Variants in CFAP58 observed in about 807,000 individuals in gnomAD.
CFAP58 encodes the protein cilia and flagella associated protein 58.
A neutral mutation model predicts 119.5 loss-of-function variants in CFAP58; 88 were observed. The ratio of observed to expected loss-of-function variants is 0.74; its 90% CI spans 0.62 to 0.88. The LOEUF (loss-of-function observed/expected upper bound fraction) is 0.88, where lower values mean the gene tolerates loss of function less well. CFAP58 is among the 40% of genes least tolerant of loss of function. The pLI, the probability that CFAP58 is intolerant of heterozygous loss-of-function variation, is 0.00. For synonymous variants in CFAP58, 365 were observed against 366.3 expected, an observed-to-expected ratio of 1.00 and a Z score of 0.04; for missense variants, 990 against 1,021.2, an observed-to-expected ratio of 0.97 and a Z score of 0.42.
At chr10:104,447,648 CT>C in intron 15 of CFAP58, 49 bp from the exon 16 acceptor site, 1 of 1,601,512 alleles carries the variant, frequency 6.2e-7, no homozygotes, top group Non-Finnish European at 8.5e-7. Flanking sequence ...GGCATTTTCC[CT>C]GTTTTGACGG....
upstream of CFAP58, among the ~76,000 whole-genome samples, chr10:104,350,889 G>A (rs757065861): frequency 2.6e-5 from 4 of 152,206 alleles, no homozygotes. Flanking sequence ...CCTATGCAGG[G>A]CACCTACTTA....
chr10:104,392,469 T>C (rs1347314660), intron 10 of CFAP58, 75 bp downstream of exon 10: 2 of 1,082,576 alleles, frequency 1.8e-6, no homozygotes, highest in Admixed American at 2.8e-5. Context: ...GTTATCCTAA[T>C]GGCAGAATTT....
intron 9 of CFAP58, among the ~76,000 whole-genome samples, chr10:104,381,480 G>A (rs1246319467): frequency 6.6e-6 from 1 of 152,124 alleles, no homozygotes; most frequent in Non-Finnish European, 1.5e-5. Context: ...CAAAGTTTGG[G>A]AGAAAAGACT....
chr10:104,406,109 C>T (rs1459802647), intron 14 of CFAP58, among the ~76,000 whole-genome samples: 1 of 152,108 alleles, frequency 6.6e-6, no homozygotes, highest in Non-Finnish European at 1.5e-5. Flanking sequence ...ACAACAACAA[C>T]AAAAAGAATT....
intron 15 of CFAP58, among the ~76,000 whole-genome samples, chr10:104,444,189 G>T (rs1255673628): frequency 6.6e-6 from 1 of 152,206 alleles, no homozygotes; most frequent in Non-Finnish European, 1.5e-5. Context: ...CGGAATAAAA[G>T]AAATGCCAAA....
At chr10:104,408,524 TG>T in intron 15 of CFAP58, among the ~76,000 whole-genome samples, 1 of 152,348 alleles carries the variant, frequency 6.6e-6, no homozygotes, top group South Asian at 2.1e-4. Flanking sequence ...GGGTGGGACT[TG>T]GTCCCGGCAG....
rs568363483 is a variant in CFAP58, at chr10:104,452,957, T to C, written c.2511-1465T>C. On this transcript the variant is annotated intron_variant, in intron 17 of 17. Coordinates refer to ENST00000369704, the MANE Select transcript of CFAP58 (RefSeq NM_001008723.2). ...AAAAAAGATGCTGAAGAAAAAAATA[T>C]GAAGAGGCAAGAACAAAAGTGCTGA... Among the ~76,000 whole-genome samples the C allele has an allele frequency of 3.3e-5, 5 of 152,098 alleles. No homozygotes were observed. In the South Asian group the frequency reaches 1.0e-3, roughly 32 times the overall value.
intron 13 of CFAP58, among the ~76,000 whole-genome samples, chr10:104,401,697 T>G (rs1036115384): frequency 2.7e-4 from 41 of 152,322 alleles, no homozygotes; most frequent in Non-Finnish European, 5.7e-4. Flanking sequence ...GATATTTAAA[T>G]GCAATGAATA....
At position 104,403,511 on chromosome 10, in the gene CFAP58, CTTTTTTT is replaced by C. The variant is rs572839157; in HGVS notation, c.2040-206_2040-200del. On this transcript the variant is annotated intron_variant, in intron 13 of 17. Coordinates refer to ENST00000369704, the MANE Select transcript of CFAP58 (RefSeq NM_001008723.2). ...TGACTCTGACTCTGAAGCCCTGGCA[CTTTTTTT>C]TTTTTTTTTTTGAAAGCTAAGCCAA... Among the ~76,000 whole-genome samples the C allele has an allele frequency of 9.8e-5, 13 of 133,120 alleles. No individual in the cohort carries two copies. In the South Asian group the frequency reaches 2.7e-3, roughly 27 times the overall value. 87.3% of individuals were successfully genotyped at this position (133,120 alleles called of 152,430 possible).
rs1228812562 is a variant in CFAP58 at position 104,380,080 on chromosome 10, C to T, written c.1225C>T (p.Leu409Phe). Residue 409 changes from leucine to phenylalanine, a missense_variant, in exon 9 of 18, where the codon CTC becomes TTC. Leu to Phe is a conservative substitution (Grantham distance 22, BLOSUM62 0). Transcript: ENST00000369704. Reference sequence around the variant, plus strand: ...CCAGAAGCAGACAGACTTGGTAAAGCTCCATGAACAAGCCAAGAGGAACCT... The same window carrying T: ...CCAGAAGCAGACAGACTTGGTAAAGTTCCATGAACAAGCCAAGAGGAACCT... Reference protein sequence around the residue: ...ATQKQTDLVKLHEQAKRNLEG... With the variant: ...ATQKQTDLVKFHEQAKRNLEG... 5 of 1,614,080 alleles carry T rather than the reference C, an allele frequency of 3.1e-6. No individual in the cohort carries two copies. The highest frequency in any genetic ancestry group is 4.2e-6 in the Non-Finnish European group (5 of 1,179,988).
rs1014687507 is a variant in CFAP58, at chr10:104,394,739, T to C, written c.1674+1264T>C. Among the ~76,000 whole-genome samples, 3 of 152,344 alleles carry C rather than the reference T, an allele frequency of 2.0e-5. No homozygotes were observed. In the East Asian group the frequency reaches 5.8e-4, roughly 29 times the overall value. ...AAAAAGAATAGAAGATTCTGCATTG[T>C]TTTTTATATATAAAGAAATATACAT... is the stretch of plus-strand genomic sequence containing the variant. On this transcript the variant is annotated intron_variant, in intron 11 of 17. Transcript: ENST00000369704.
intron 9 of CFAP58, 37 bp from the exon 10 acceptor site, chr10:104,392,196 C>A: frequency 6.6e-7 from 1 of 1,517,784 alleles, no homozygotes; most frequent in Non-Finnish European, 8.6e-7. Context: ...CACAGATGGG[C>A]TATTTAACCA....
intron 15 of CFAP58, among the ~76,000 whole-genome samples, chr10:104,439,157 C>T (rs1432883421): frequency 6.6e-6 from 1 of 152,116 alleles, no homozygotes; most frequent in African/African-American, 2.4e-5. Context: ...GTTGTAAGCA[C>T]AGGGGTGGGT....
chr10:104,424,858 C>T (rs1247145042), intron 15 of CFAP58, among the ~76,000 whole-genome samples: 1 of 152,136 alleles, frequency 6.6e-6, no homozygotes, highest in East Asian at 1.9e-4. Flanking sequence ...ACAAAGAGGA[C>T]ATGTTTGGAC....
rs558430323 is a variant in CFAP58 at position 104,451,208 on chromosome 10, G to A, written c.2510+1004G>A. Among the ~76,000 whole-genome samples, 22 of 152,240 alleles carry A rather than the reference G, an allele frequency of 1.4e-4. No homozygotes were observed. In the South Asian group the frequency reaches 4.6e-3, roughly 32 times the overall value. ...GTACTTATCCACATGGACATTTCAG[G>A]GACATGGTGAAATATGGCTTGAGTG... On this transcript the variant is annotated intron_variant, in intron 17 of 17. Coordinates refer to ENST00000369704, the MANE Select transcript of CFAP58 (RefSeq NM_001008723.2).
At chr10:104,424,010 C>T (rs1359539662) in intron 15 of CFAP58, among the ~76,000 whole-genome samples, 1 of 152,138 alleles carries the variant, frequency 6.6e-6, no homozygotes, top group Non-Finnish European at 1.5e-5. Context: ...TTTATAGAAT[C>T]GTTTAGATTG....
Position 104,385,244 on chromosome 10 carries a change from G to T in CFAP58, c.1365+5024G>T, listed in dbSNP as rs145956185. On this transcript the variant is annotated intron_variant, in intron 9 of 17. Coordinates refer to ENST00000369704, the MANE Select transcript of CFAP58 (RefSeq NM_001008723.2). The stretch of plus-strand genomic sequence containing the variant: ...AATGCAATTCTTCCAAGAATTCTTG[G>T]AGATATTAGAGGGTTTGGGGGCTTC... 4.7e-3 allele frequency among the ~76,000 whole-genome samples: 713 copies of T among 152,202 alleles called. 4 individuals are homozygous for T. The highest frequency in any genetic ancestry group is 0.016 in the African/African-American group (672 of 41,536).
intron 1 of CFAP58, among the ~76,000 whole-genome samples, chr10:104,358,020 CATAT>C (rs375880516): frequency 7.8e-5 from 11 of 140,136 alleles, no homozygotes; most frequent in Non-Finnish European, 1.2e-4. Context: ...CATATATGTA[CATAT>C]ATATACATAT....
intron 15 of CFAP58, among the ~76,000 whole-genome samples, chr10:104,420,680 G>A (rs561543020): frequency 6.6e-6 from 1 of 151,444 alleles, no homozygotes; most frequent in East Asian, 1.9e-4. Flanking sequence ...TTTCAAAAGG[G>A]GTATCTTGAT....
Sources: gnomAD v4.1 joint callset for allele counts (sites outside exome capture counted in the v4.1 genomes callset) on GRCh38, gnomAD v4.1.1 for gene constraint, MANE v1.5 for transcripts, NCBI Gene and HGNC (gene_info 2026-07-23, HGNC 2026-07-21) for gene names.